The following CCDC85C variants were observed in gnomAD, a reference collection of about 807,000 sequenced individuals.
CCDC85C encodes the protein coiled-coil domain-containing protein 85C.
In CCDC85C, 18 loss-of-function variants were observed where a neutral mutation model predicts 38.3. The observed-to-expected ratio is 0.47, with a 90% CI of 0.33 to 0.70. CCDC85C has a LOEUF of 0.70. Ranked by LOEUF, CCDC85C falls within the 30% of genes least tolerant of loss-of-function variation. The probability of loss-of-function intolerance (pLI) is 0.03; values close to 1 mark genes in which losing one functional copy is unlikely to be tolerated. For missense variants in CCDC85C, 566 were observed against 621.2 expected, an observed-to-expected ratio of 0.91 and a Z score of 0.94; for synonymous variants, 264 against 293.8, an observed-to-expected ratio of 0.90 and a Z score of 1.04.
At position 99,588,801 on chromosome 14, in the gene CCDC85C, G is replaced by A. The variant is rs889119938; in HGVS notation, c.793+14366C>T. On this transcript the variant is annotated intron_variant, in intron 1 of 5. Transcript: ENST00000380243. This position sits in a 1 kb window ranked among gnomAD's most constrained non-coding sequence, Gnocchi z 5.0. The stretch of plus-strand genomic sequence containing the variant: ...CCAAAAGTACTGGTTCTACTAGATG[G>A]AGGGAAGAGGCCAAGCTAGGAGCAG... Among the ~76,000 whole-genome samples, 5 of 152,030 alleles carry A rather than the reference G, an allele frequency of 3.3e-5. No homozygotes were observed. Among genetic ancestry groups the A allele is most frequent in the Non-Finnish European group, 7.4e-5 (5 of 68,016 alleles).
At position 99,544,091 on chromosome 14, in the gene CCDC85C, G is replaced by A. The variant is rs1420749624; in HGVS notation, c.794-8003C>T. The stretch of plus-strand genomic sequence containing the variant: ...GTACCCACCATATGCCAGCACACAC[G>A]GAGCACAACCCCATCACACCAAGCT... On this transcript the variant is annotated intron_variant, in intron 1 of 5. Transcript: ENST00000380243. The surrounding 1 kb of genome is among the most constrained non-coding windows in gnomAD (Gnocchi z 5.3). Among the ~76,000 whole-genome samples the A allele has an allele frequency of 2.6e-5, 4 of 152,126 alleles. No homozygotes were observed. The highest frequency in any genetic ancestry group is 6.5e-5 in the Admixed American group (1 of 15,282).
At chr14:99,549,626 C>G (rs186548601) in intron 1 of CCDC85C, among the ~76,000 whole-genome samples, 1 of 152,332 alleles carries the variant, frequency 6.6e-6, no homozygotes, top group East Asian at 1.9e-4. Flanking sequence ...GCAACTGGGT[C>G]TCCTGCGAGA....
intron 1 of CCDC85C, among the ~76,000 whole-genome samples, chr14:99,566,349 G>A (rs929964488): frequency 3.3e-5 from 5 of 152,322 alleles, no homozygotes; most frequent in South Asian, 2.1e-4. Context: ...TGGGGAAACC[G>A]AAGCTCTGGA....
Position 99,572,261 on chromosome 14 carries a change from C to T in CCDC85C, c.793+30906G>A, listed in dbSNP as rs1898365145. ...AGGCTGTGGCCCTCCCCGAGAGTCC[C>T]TCCCTCCCCAGGGATGGGTCTTTTC... On this transcript the variant is annotated intron_variant, in intron 1 of 5. Coordinates refer to ENST00000380243, the MANE Select transcript of CCDC85C (RefSeq NM_001144995.2). This position sits in a 1 kb window ranked among gnomAD's most constrained non-coding sequence, Gnocchi z 4.4. Among the ~76,000 whole-genome samples the T allele has an allele frequency of 6.6e-6, 1 of 152,222 alleles. No individual in the cohort carries two copies. Among genetic ancestry groups the T allele is most frequent in the Non-Finnish European group, 1.5e-5 (1 of 68,034 alleles).
rs3918102 is a variant in CCDC85C, at chr14:99,506,067, G to C, written c.*9179C>G. 2.8e-4 allele frequency: 43 copies of C among 152,724 alleles called. No individual in the cohort carries two copies. Among genetic ancestry groups the C allele is most frequent in the African/African-American group, 9.9e-4 (41 of 41,576 alleles). The allele number at this position is 152,724 out of a possible 1,614,324, so 9.5% of individuals were successfully genotyped here. A position where few individuals can be genotyped will look rare whatever the true frequency, so the allele number is the denominator to read the frequency against. On this transcript the variant is annotated 3_prime_UTR_variant, in exon 6 of 6. Transcript: ENST00000380243. ...TGAGGTGCTGATTGGTGGGTCTAGG[G>C]ATGGGCCATGGTTTTGGTGGCAAGA... is the stretch of plus-strand genomic sequence containing the variant.
chr14:99,511,141 T>G lies in CCDC85C; in HGVS notation c.*4105A>C, dbSNP rs1897121369. 1 of 170,726 alleles carries G rather than the reference T, an allele frequency of 5.9e-6. No individual in the cohort carries two copies. Among genetic ancestry groups the G allele is most frequent in the African/African-American group, 2.4e-5 (1 of 42,256 alleles). The allele number at this position is 170,726 out of a possible 1,614,324, so 10.6% of individuals were successfully genotyped here. ...ATTTCCTTCTAGAAATCAGTGCCTA[T>G]TTTTCCTGGAAACTCAATTTTAAAT... On this transcript the variant is annotated 3_prime_UTR_variant, in exon 6 of 6. Transcript: ENST00000380243.
At chr14:99,538,593 C>A (rs952283978) in intron 1 of CCDC85C, among the ~76,000 whole-genome samples, 3 of 152,210 alleles carry the variant, frequency 2.0e-5, no homozygotes, top group African/African-American at 7.2e-5. Context: ...TTCAGCCCAC[C>A]CGCCTCCCCC....
chr14:99,538,855 G>A lies in CCDC85C; in HGVS notation c.794-2767C>T, dbSNP rs1468261226. 2.0e-5 allele frequency among the ~76,000 whole-genome samples: 3 copies of A among 152,184 alleles called. No individual in the cohort carries two copies. In the East Asian group the frequency reaches 5.8e-4, roughly 29 times the overall value. ...GGCATCCGGAGAAGGGATGCAGACA[G>A]GCCATCCCACAGGTCGCCAGCAATG... On this transcript the variant is annotated intron_variant, in intron 1 of 5. Coordinates refer to ENST00000380243, the MANE Select transcript of CCDC85C (RefSeq NM_001144995.2).
chr14:99,522,260 AG>A lies in CCDC85C; in HGVS notation c.868-21del, dbSNP rs1303485014. ...TGCCTGCTGCAGGGGAGAGAAGGAG[AG>A]GGGTTAGACGGAGGGCCAGGCTGAG... On this transcript the variant is annotated intron_variant, in intron 2 of 5. Transcript: ENST00000380243. 43 of 1,531,180 alleles carry A rather than the reference AG, an allele frequency of 2.8e-5. No homozygotes were observed. Among genetic ancestry groups the A allele is most frequent in the Non-Finnish European group, 3.5e-5 (40 of 1,135,872 alleles). The allele number at this position is 1,531,180 out of a possible 1,614,324, so 94.8% of individuals were successfully genotyped here. A position where few individuals can be genotyped will look rare whatever the true frequency, so the allele number is the denominator to read the frequency against.
Position 99,603,846 on chromosome 14 carries a change from G to C in CCDC85C, c.114C>G (p.Ala38=), listed in dbSNP as rs1034423737. The C allele has an allele frequency of 2.6e-6, 4 of 1,517,620 alleles. No individual in the cohort carries two copies. Among genetic ancestry groups the C allele is most frequent in the African/African-American group, 1.4e-5 (1 of 70,474 alleles). The allele number at this position is 1,517,620 out of a possible 1,614,324, so 94.0% of individuals were successfully genotyped here. A position where few individuals can be genotyped will look rare whatever the true frequency, so the allele number is the denominator to read the frequency against. Residue 38 remains alanine (A), a synonymous_variant, in exon 1 of 6, where the codon GCC becomes GCG. Transcript: ENST00000380243. The surrounding 1 kb of genome is among the most constrained non-coding windows in gnomAD (Gnocchi z 7.5). ...KEELARRLRR[A]EGEKVGLMLE... ...GCATGAGGCCCACCTTCTCGCCCTC[G>C]GCGCGCCGCAGCCGCCGCGCCAGCT... is the stretch of plus-strand genomic sequence containing the variant.
At position 99,506,986 on chromosome 14, in the gene CCDC85C, A is replaced by G. The variant is rs952625910; in HGVS notation, c.*8260T>C. 1.2e-5 allele frequency: 10 copies of G among 853,550 alleles called. No individual in the cohort carries two copies. The East Asian group carries it at 1.5e-4, about 12-fold the overall frequency. 52.9% of individuals were successfully genotyped at this position (853,550 alleles called of 1,614,324 possible). On this transcript the variant is annotated 3_prime_UTR_variant, in exon 6 of 6. Transcript: ENST00000380243. Reference sequence around the variant, plus strand: ...GGTCATCTCTGTTGTTTTTCTCCCAAAGAAATCTCTGCCAGTACATTTTTC... The same window carrying G: ...GGTCATCTCTGTTGTTTTTCTCCCAGAGAAATCTCTGCCAGTACATTTTTC...
rs2055244889 is a variant in CCDC85C, at chr14:99,604,033, C to A, written c.-74G>T. 1.0e-6 allele frequency: 1 copy of A among 1,004,730 alleles called. No individual in the cohort carries two copies. Among genetic ancestry groups the A allele is most frequent in the Non-Finnish European group, 1.2e-6 (1 of 844,482 alleles). 62.2% of individuals were successfully genotyped at this position (1,004,730 alleles called of 1,614,324 possible). Reference sequence around the variant, plus strand: ...TTCCCCGCGCCGGGGCTCCGCTGGGCCGGTCCGCGCGCGGGCGGGGGGCGG... The same window carrying A: ...TTCCCCGCGCCGGGGCTCCGCTGGGACGGTCCGCGCGCGGGCGGGGGGCGG... On this transcript the variant is annotated 5_prime_UTR_variant, in exon 1 of 6. Coordinates refer to ENST00000380243, the MANE Select transcript of CCDC85C (RefSeq NM_001144995.2).
chr14:99,533,788 A>C lies in CCDC85C; in HGVS notation c.867+2227T>G, dbSNP rs954256357. On this transcript the variant is annotated intron_variant, in intron 2 of 5. Transcript: ENST00000380243. This position sits in a 1 kb window ranked among gnomAD's most constrained non-coding sequence, Gnocchi z 4.2. ...CTCCCATCTACCTCCACCTGTGCACAGGTGGGTGCAGGGCAGGTGGACACA... is the reference window on the plus strand; with the variant it reads ...CTCCCATCTACCTCCACCTGTGCACCGGTGGGTGCAGGGCAGGTGGACACA... 2.0e-5 allele frequency among the ~76,000 whole-genome samples: 3 copies of C among 152,206 alleles called. No individual in the cohort carries two copies. The highest frequency in any genetic ancestry group is 4.4e-5 in the Non-Finnish European group (3 of 68,012).
chr14:99,597,013 G>C (rs527980680), intron 1 of CCDC85C, among the ~76,000 whole-genome samples: 1 of 152,268 alleles, frequency 6.6e-6, no homozygotes, highest in African/African-American at 2.4e-5. Context: ...TAGCAGCTGA[G>C]AGCAGGACTT....
At chr14:99,553,556 G>A (rs1219986874) in intron 1 of CCDC85C, among the ~76,000 whole-genome samples, 1 of 152,158 alleles carries the variant, frequency 6.6e-6, no homozygotes, top group East Asian at 1.9e-4. Context: ...GTAGAGACGG[G>A]GTTTCACCAT....
chr14:99,502,203 C>T lies in CCDC85C; in HGVS notation c.*13043G>A. On this transcript the variant is annotated 3_prime_UTR_variant, in exon 6 of 6. Transcript: ENST00000380243. ...TCTAACCTTTTTTTTTCTTGTTGAA[C>T]TAGTCTCTGCACCACCTTGTCACTG... 6 of 1,572,918 alleles carry T rather than the reference C, an allele frequency of 3.8e-6. No individual in the cohort carries two copies. The highest frequency in any genetic ancestry group is 5.2e-6 in the Non-Finnish European group (6 of 1,159,114).
chr14:99,561,318 G>C (rs550650857), intron 1 of CCDC85C, among the ~76,000 whole-genome samples: 1 of 152,306 alleles, frequency 6.6e-6, no homozygotes, highest in South Asian at 2.1e-4. Flanking sequence ...CTGGCACCTG[G>C]TCGCTCTAGG....
intron 1 of CCDC85C, among the ~76,000 whole-genome samples, chr14:99,592,479 G>A (rs2055098337): frequency 6.6e-6 from 1 of 152,228 alleles, no homozygotes; most frequent in African/African-American, 2.4e-5. Context: ...GGGCAGGAGG[G>A]GCTGGAGAGA....
chr14:99,515,353 A>G lies in CCDC85C; in HGVS notation c.1171-18T>C, dbSNP rs1344050953. On this transcript the variant is annotated intron_variant, in intron 5 of 5. Coordinates refer to ENST00000380243, the MANE Select transcript of CCDC85C (RefSeq NM_001144995.2). Reference sequence around the variant, plus strand: ...CAGACCACCTGTGGAGAGGAGAGAGATGTGAGTGGTGGGACTCACCCGCGT... The same window carrying G: ...CAGACCACCTGTGGAGAGGAGAGAGGTGTGAGTGGTGGGACTCACCCGCGT... 5 of 1,543,678 alleles carry G rather than the reference A, an allele frequency of 3.2e-6. No homozygotes were observed. The highest frequency in any genetic ancestry group is 3.9e-5 in the Admixed American group (2 of 50,900).
Sources: allele counts gnomAD v4.1 joint callset (sites outside exome capture counted in the v4.1 genomes callset), GRCh38; gene constraint gnomAD v4.1.1; non-coding constraint Gnocchi (gnomAD v3.1); transcripts MANE v1.5; gene names NCBI Gene and HGNC (gene_info 2026-07-23, HGNC 2026-07-21).